Variants in COP1 observed in about 807,000 individuals in gnomAD.
The protein encoded by COP1 is E3 ubiquitin-protein ligase COP1.
COP1 carries 24 observed loss-of-function variants against 101.3 expected under a neutral mutation model. The ratio of observed to expected loss-of-function variants is 0.24; its 90% CI spans 0.17 to 0.33. The LOEUF (loss-of-function observed/expected upper bound fraction) is 0.33, where lower values mean the gene tolerates loss of function less well. COP1 is among the 10% of genes least tolerant of loss of function. COP1 has a pLI of 1.00. For missense variants in COP1, 663 were observed against 906.2 expected (o/e 0.73, Z 3.45); for synonymous variants, 347 against 341.9 (o/e 1.01, Z -0.17).
chr1:176,134,114 T>A (rs1689409155), intron 8 of COP1, among the ~76,000 whole-genome samples: 1 of 152,014 alleles, frequency 6.6e-6, no homozygotes, highest in Non-Finnish European at 1.5e-5. Flanking sequence ...CATGATGTAC[T>A]GAACTAGATC....
chr1:176,199,094 G>A (rs2102244955), intron 1 of COP1, among the ~76,000 whole-genome samples: 1 of 152,250 alleles, frequency 6.6e-6, no homozygotes, highest in East Asian at 1.9e-4. Context: ...GAGGCGTGGG[G>A]ACCATGAGGT....
At chr1:176,024,105 A>C (rs1447395815) in intron 15 of COP1, among the ~76,000 whole-genome samples, 1 of 152,090 alleles carries the variant, frequency 6.6e-6, no homozygotes, top group Non-Finnish European at 1.5e-5. Flanking sequence ...TAGAAATACA[A>C]AAAATTAGCC....
chr1:176,134,979 T>C (rs780500667), intron 8 of COP1, 31 bp downstream of exon 8: 2 of 1,524,332 alleles, frequency 1.3e-6, no homozygotes, highest in Non-Finnish European at 1.8e-6. Flanking sequence ...GTAATATGAA[T>C]TCTAATCAAT....
intron 3 of COP1, among the ~76,000 whole-genome samples, chr1:176,174,689 A>G (rs1311997030): frequency 1.3e-5 from 2 of 152,214 alleles, no homozygotes; most frequent in Non-Finnish European, 2.9e-5. Context: ...CAACAATTTG[A>G]GCTAAAAATC....
chr1:176,038,392 G>C (rs4259593), intron 14 of COP1, among the ~76,000 whole-genome samples: 2,583 of 152,224 alleles, frequency 0.017, 71 homozygotes, highest in African/African-American at 0.058. Flanking sequence ...CTAGCAACTT[G>C]ATTCTAAAAT....
rs761194117 is a variant in COP1, at chr1:175,988,350, T to G, written c.1910A>C (p.Lys637Thr). 3.8e-5 allele frequency: 62 copies of G among 1,612,316 alleles called. No individual in the cohort carries two copies. The highest frequency in any genetic ancestry group is 5.2e-5 in the Non-Finnish European group (61 of 1,178,650). The change falls in exon 17 of 20, where the codon AAG (lysine) becomes ACG (threonine). Residue 637 changes from lysine (K) to threonine (T), a missense_variant. Physicochemically the swap from Lys to Thr is moderately conservative, Grantham distance 78 (BLOSUM62 -1). Transcript: ENST00000367669. ...VGKPYCLRSFKGHINEKNFVG... is the reference protein window; with the variant it reads ...VGKPYCLRSFTGHINEKNFVG... ...AAAGTTTTTTTCATTGATATGACCC[T>G]TGAAGGAACGTAGGCAGTATGGTTT...
At chr1:175,956,890 G>GAC (rs1397960582) in intron 18 of COP1, among the ~76,000 whole-genome samples, 1 of 152,144 alleles carries the variant, frequency 6.6e-6, no homozygotes, top group East Asian at 1.9e-4. Flanking sequence ...TGTCCCTGAA[G>GAC]ACATTCCGAT....
chr1:176,178,806 T>A (rs933068474), intron 2 of COP1, among the ~76,000 whole-genome samples: 1 of 151,688 alleles, frequency 6.6e-6, no homozygotes, highest in African/African-American at 2.4e-5. Context: ...TGAACCAAGA[T>A]CACACCACTG....
At chr1:176,077,410 A>C (rs1313255441) in intron 11 of COP1, among the ~76,000 whole-genome samples, 1 of 152,198 alleles carries the variant, frequency 6.6e-6, no homozygotes, top group Non-Finnish European at 1.5e-5. Context: ...ACATATGATC[A>C]TCTCAACAGA....
rs1330736068 is a variant in COP1, at chr1:176,135,006, G to GT, written c.968+3dup. 6.2e-7 allele frequency: 1 copy of GT among 1,603,354 alleles called. No individual in the cohort carries two copies. The highest frequency in any genetic ancestry group is 1.7e-5 in the Admixed American group (1 of 59,818). ...CTAATCAATTGCAAGTGTGAAGCTT[G>GT]TACCTGTGTGATGGAGAAGGAGCTT... On this transcript the variant is annotated splice_donor_region_variant and intron_variant, in intron 8 of 19. Coordinates refer to ENST00000367669, the MANE Select transcript of COP1 (RefSeq NM_022457.7).
At chr1:176,203,336 C>CAA in intron 1 of COP1, among the ~76,000 whole-genome samples, 1 of 149,394 alleles carries the variant, frequency 6.7e-6, no homozygotes, top group African/African-American at 2.5e-5. Flanking sequence ...GACTCCGTCT[C>CAA]AAAAAAAAAG....
rs4443848 is a variant in COP1 at position 175,981,531 on chromosome 1, T to G, written c.2133+5412A>C. 7.5e-4 allele frequency among the ~76,000 whole-genome samples: 114 copies of G among 152,286 alleles called. 2 individuals carry two copies. Among genetic ancestry groups the G allele is most frequent in the Admixed American group, 4.0e-3 (61 of 15,296 alleles). On this transcript the variant is annotated intron_variant, in intron 18 of 19. Coordinates refer to ENST00000367669, the MANE Select transcript of COP1 (RefSeq NM_022457.7). ...TATACAACACTCAACTCAAAATGAT[T>G]AGAGGCTTAAACATAAGACTGAAAA...
intron 9 of COP1, among the ~76,000 whole-genome samples, chr1:176,094,671 GT>G (rs1300416649): frequency 3.7e-5 from 5 of 136,784 alleles, no homozygotes; most frequent in Non-Finnish European, 6.4e-5. Flanking sequence ...ATTGGAAAAA[GT>G]TAAAAAAAAA....
At chr1:175,966,906 C>T (rs892655675) in intron 18 of COP1, among the ~76,000 whole-genome samples, 4 of 152,138 alleles carry the variant, frequency 2.6e-5, no homozygotes, top group African/African-American at 9.7e-5. Context: ...CAAATTCCCA[C>T]TCTCCTTCCA....
chr1:176,015,472 C>T (rs997261915), intron 15 of COP1, among the ~76,000 whole-genome samples: 1 of 151,796 alleles, frequency 6.6e-6, no homozygotes, highest in Non-Finnish European at 1.5e-5. Context: ...ATAACCACTT[C>T]AATTTTTGAG....
intron 4 of COP1, among the ~76,000 whole-genome samples, chr1:176,163,384 GT>G: frequency 6.6e-6 from 1 of 152,208 alleles, no homozygotes; most frequent in Admixed American, 6.5e-5. Flanking sequence ...GGTTTGTTTT[GT>G]TTTTGTTTTT....
intron 14 of COP1, among the ~76,000 whole-genome samples, chr1:176,038,023 T>C (rs1297978812): frequency 1.3e-5 from 2 of 152,204 alleles, no homozygotes; most frequent in Non-Finnish European, 2.9e-5. Flanking sequence ...GATGACGTAA[T>C]TGGCTATGTA....
intron 5 of COP1, among the ~76,000 whole-genome samples, chr1:176,153,844 A>G (rs2149867176): frequency 6.6e-6 from 1 of 152,352 alleles, no homozygotes; most frequent in African/African-American, 2.4e-5. Context: ...TACTGAGATA[A>G]TCATGTTGTT....
chr1:176,011,650 G>C (rs1166090793), intron 15 of COP1, among the ~76,000 whole-genome samples: 1 of 152,108 alleles, frequency 6.6e-6, no homozygotes, highest in Non-Finnish European at 1.5e-5. Flanking sequence ...ACTGTTTTAT[G>C]GCTAGAGAGA....
Sources: gnomAD v4.1 joint callset for allele counts (sites outside exome capture counted in the v4.1 genomes callset) on GRCh38, gnomAD v4.1.1 for gene constraint, MANE v1.5 for transcripts, NCBI Gene and HGNC (gene_info 2026-07-23, HGNC 2026-07-21) for gene names.